Variants in SPARCL1 observed in about 807,000 individuals in gnomAD.
SPARCL1 encodes the protein SPARC-like protein 1.
SPARCL1 carries 52 observed loss-of-function variants against 67.1 expected under a neutral mutation model. The observed-to-expected ratio is 0.78, with a 90% CI of 0.62 to 0.98. The LOEUF is 0.98. Among genes scored for constraint, SPARCL1 ranks in the 50% least tolerant of loss-of-function variants. SPARCL1 has a pLI of 0.00. For missense variants in SPARCL1, 717 were observed against 782.4 expected, an observed-to-expected ratio of 0.92 and a Z score of 1.00; for synonymous variants, 226 against 267.8, an observed-to-expected ratio of 0.84 and a Z score of 1.52.
intron 7 of SPARCL1, among the ~76,000 whole-genome samples, chr4:87,489,627 C>T (rs960006381): frequency 1.7e-4 from 26 of 152,300 alleles, no homozygotes; most frequent in African/African-American, 5.5e-4. Flanking sequence ...GAGAACCATA[C>T]CCCAGCTCTT....
chr4:87,514,657 G>A (rs1219848830), intron 1 of SPARCL1, among the ~76,000 whole-genome samples: 2 of 152,166 alleles, frequency 1.3e-5, no homozygotes, highest in African/African-American at 4.8e-5. Context: ...TTGTCCTTTA[G>A]ACTAGTCACT....
intron 1 of SPARCL1, among the ~76,000 whole-genome samples, chr4:87,527,012 C>T (rs186506470): frequency 1.2e-4 from 18 of 152,278 alleles, no homozygotes; most frequent in East Asian, 1.9e-4. Context: ...ATATAAACCA[C>T]GGTCTTATAT....
At chr4:87,504,062 T>C (rs1225276004) in intron 1 of SPARCL1, among the ~76,000 whole-genome samples, 1 of 150,760 alleles carries the variant, frequency 6.6e-6, no homozygotes, top group Non-Finnish European at 1.5e-5. Flanking sequence ...TGGTCCAGGG[T>C]GGGCCACCTG....
intron 10 of SPARCL1, among the ~76,000 whole-genome samples, chr4:87,478,599 G>C (rs570173177): frequency 6.6e-6 from 1 of 151,804 alleles, no homozygotes; most frequent in Non-Finnish European, 1.5e-5. Flanking sequence ...CACCAAGCCC[G>C]CCTAATTTTT....
At chr4:87,507,289 C>T (rs561540034) in intron 1 of SPARCL1, among the ~76,000 whole-genome samples, 7 of 152,182 alleles carry the variant, frequency 4.6e-5, no homozygotes, top group South Asian at 2.1e-4. Flanking sequence ...TTGTTTGTTG[C>T]AGCAACATGC....
intron 1 of SPARCL1, among the ~76,000 whole-genome samples, chr4:87,510,926 C>T (rs1725323254): frequency 6.6e-6 from 1 of 152,226 alleles, no homozygotes; most frequent in Non-Finnish European, 1.5e-5. Context: ...TGGTGAGGGG[C>T]CCACATGGAG....
intron 6 of SPARCL1, 93 bp from the exon 7 acceptor site, chr4:87,490,486 T>C (rs1724274504): frequency 7.1e-7 from 1 of 1,418,360 alleles, no homozygotes; most frequent in African/African-American, 1.4e-5. Flanking sequence ...ATAACAGCGC[T>C]GTGCCAAAGA....
intron 1 of SPARCL1, among the ~76,000 whole-genome samples, chr4:87,515,863 G>A (rs957892025): frequency 6.6e-6 from 1 of 152,166 alleles, no homozygotes; most frequent in Non-Finnish European, 1.5e-5. Context: ...ACTGCCTTGA[G>A]ACAATTTCTT....
At position 87,520,981 on chromosome 4, in the gene SPARCL1, C is replaced by T. The variant is rs552268888; in HGVS notation, c.-12+8064G>A. Among the ~76,000 whole-genome samples, 49 of 152,264 alleles carry T rather than the reference C, an allele frequency of 3.2e-4. No individual in the cohort carries two copies. In the South Asian group the frequency reaches 4.4e-3, roughly 14 times the overall value. On this transcript the variant is annotated intron_variant, in intron 1 of 10. Coordinates refer to ENST00000282470, the MANE Select transcript of SPARCL1 (RefSeq NM_004684.6). ...ACTAAAACACAAAAACATCATTCTC[C>T]GTCTAGATTTATTAGGGAACCTACA...
intron 1 of SPARCL1, among the ~76,000 whole-genome samples, chr4:87,516,833 C>T (rs190064333): frequency 6.6e-6 from 1 of 152,332 alleles, no homozygotes; most frequent in East Asian, 1.9e-4. Flanking sequence ...CTTACCCAAG[C>T]TTGTGCAATA....
At position 87,493,716 on chromosome 4, in the gene SPARCL1, A is replaced by G; in HGVS notation, c.1084T>C (p.Phe362Leu). ...GPRHSASDDY[F>L]IPSQAFLEAE... is the part of the protein sequence containing the mutation. ...TCCAGAAAGGCCTGGCTTGGGATGAAGTAGTCATCACTTGCACTGTGCCTG... is the reference window on the plus strand; with the variant it reads ...TCCAGAAAGGCCTGGCTTGGGATGAGGTAGTCATCACTTGCACTGTGCCTG... Residue 362 changes from phenylalanine to leucine, a missense_variant, in exon 4 of 11, where the codon TTC becomes CTC. Phe to Leu is a conservative substitution (Grantham distance 22). Transcript: ENST00000282470. 1 of 1,614,154 alleles carries G rather than the reference A, an allele frequency of 6.2e-7. No individual in the cohort carries two copies.
intron 8 of SPARCL1, 97 bp downstream of exon 8, chr4:87,482,327 T>G: frequency 1.5e-6 from 2 of 1,329,970 alleles, no homozygotes; most frequent in Non-Finnish European, 1.0e-6. Context: ...ATAGTGGGCT[T>G]TTGCCAGTAT....
chr4:87,511,721 T>C (rs1377429269), intron 1 of SPARCL1, among the ~76,000 whole-genome samples: 1 of 151,474 alleles, frequency 6.6e-6, no homozygotes, highest in East Asian at 1.9e-4. Flanking sequence ...AGTGCAGAGG[T>C]TATTGAGGAT....
intron 1 of SPARCL1, among the ~76,000 whole-genome samples, chr4:87,527,115 C>T (rs886701758): frequency 1.3e-5 from 2 of 152,188 alleles, no homozygotes; most frequent in African/African-American, 2.4e-5. Flanking sequence ...ATCATCAAGA[C>T]CATGCACTCT....
chr4:87,487,904 A>G (rs950574117), intron 7 of SPARCL1, among the ~76,000 whole-genome samples: 18 of 152,160 alleles, frequency 1.2e-4, no homozygotes, highest in African/African-American at 4.3e-4. Flanking sequence ...ATACTTGTGT[A>G]TGCTTCACGA....
intron 1 of SPARCL1, chr4:87,504,749 T>C (rs1725005953): frequency 6.6e-6 from 1 of 152,168 alleles, no homozygotes; most frequent in African/African-American, 2.4e-5. Context: ...TTGTGACAAA[T>C]TGAGATTTCA....
intron 1 of SPARCL1, among the ~76,000 whole-genome samples, chr4:87,516,856 C>T (rs1725602486): frequency 6.6e-6 from 1 of 152,176 alleles, no homozygotes; most frequent in South Asian, 2.1e-4. Flanking sequence ...CACCTTTCAC[C>T]ATCTCTTAAT....
chr4:87,523,213 G>A (rs911768911), intron 1 of SPARCL1, among the ~76,000 whole-genome samples: 13 of 149,472 alleles, frequency 8.7e-5, no homozygotes, highest in African/African-American at 3.2e-4. Flanking sequence ...GGGACCCAAG[G>A]TCACACCACT....
intron 1 of SPARCL1, among the ~76,000 whole-genome samples, chr4:87,527,456 T>C (rs1397067905): frequency 6.6e-6 from 1 of 152,148 alleles, no homozygotes; most frequent in African/African-American, 2.4e-5. Context: ...TAAACTTAAG[T>C]AAAATAGCAG....
Sources: allele counts gnomAD v4.1 joint callset (sites outside exome capture counted in the v4.1 genomes callset), GRCh38; gene constraint gnomAD v4.1.1; transcripts MANE v1.5; gene names NCBI Gene and HGNC (gene_info 2026-07-23, HGNC 2026-07-21).